ADORA2B: variants seen among roughly 807,000 people sequenced by gnomAD.
ADORA2B encodes the protein adenosine receptor A2b.
ADORA2B carries 18 observed loss-of-function variants against 20.8 expected under a neutral mutation model. That is an observed-to-expected ratio of 0.87 (90% confidence interval 0.60 to 1.29). The LOEUF (loss-of-function observed/expected upper bound fraction) is 1.29, where lower values mean the gene tolerates loss of function less well. Ranked by LOEUF, ADORA2B falls within the 50% of genes most tolerant of loss-of-function variation. The probability of loss-of-function intolerance (pLI) is 0.00; values close to 1 mark genes in which losing one functional copy is unlikely to be tolerated. For missense variants in ADORA2B, 441 were observed against 422.7 expected (o/e 1.04, Z -0.38); for synonymous variants, 179 against 178.3 (o/e 1.00, Z -0.03).
intron 1 of ADORA2B, among the ~76,000 whole-genome samples, chr17:15,969,686 C>T (rs2151609048): frequency 6.6e-6 from 1 of 152,370 alleles, no homozygotes; most frequent in Middle Eastern, 3.4e-3. Context: ...TCTGCCTCCA[C>T]AGCGCATATC....
the ADORA2B span, among the ~76,000 whole-genome samples, chr17:15,853,101 G>A: frequency 6.6e-6 from 1 of 152,236 alleles, no homozygotes; most frequent in Non-Finnish European, 1.5e-5. Context: ...AGAAAGCATC[G>A]TAAAAGCACT....
At chr17:15,942,907 C>T (rs1279322100), upstream of ADORA2B, among the ~76,000 whole-genome samples, 1 of 152,186 alleles carries the variant, frequency 6.6e-6, no homozygotes, top group African/African-American at 2.4e-5. Context: ...AACCACCCCA[C>T]TGTGAAGCCT....
At chr17:15,913,433 C>T in the ADORA2B span, among the ~76,000 whole-genome samples, 19 of 152,200 alleles carry the variant, frequency 1.2e-4, no homozygotes, top group African/African-American at 4.3e-4. Flanking sequence ...TCAGTCTTGT[C>T]AACAGTTGTT....
the ADORA2B span, among the ~76,000 whole-genome samples, chr17:15,899,647 C>G: frequency 6.6e-6 from 1 of 152,074 alleles, no homozygotes; most frequent in African/African-American, 2.4e-5. Context: ...TCTTTATGCC[C>G]ATGACTACCC....
chr17:15,923,148 G>C, the ADORA2B span, among the ~76,000 whole-genome samples: 1 of 149,852 alleles, frequency 6.7e-6, no homozygotes, highest in African/African-American at 2.5e-5. Flanking sequence ...TCAGCCTCTC[G>C]AGTAGCTGGG....
chr17:15,928,368 A>G, the ADORA2B span, among the ~76,000 whole-genome samples: 1 of 151,462 alleles, frequency 6.6e-6, no homozygotes, highest in Non-Finnish European at 1.5e-5. Flanking sequence ...TTTTTCTGAA[A>G]GTATGGAAAG....
At chr17:15,965,688 C>A (rs2151605709) in intron 1 of ADORA2B, among the ~76,000 whole-genome samples, 1 of 152,364 alleles carries the variant, frequency 6.6e-6, no homozygotes, top group Non-Finnish European at 1.5e-5. Context: ...GACTGCTCTG[C>A]CGCAGGAGCC....
chr17:15,925,713 A>C, the ADORA2B span, among the ~76,000 whole-genome samples: 1 of 152,016 alleles, frequency 6.6e-6, no homozygotes, highest in Non-Finnish European at 1.5e-5. Flanking sequence ...AAGTGTAAAA[A>C]CCAGACAGCA....
the ADORA2B span, among the ~76,000 whole-genome samples, chr17:15,899,667 C>T: frequency 2.0e-5 from 3 of 152,060 alleles, no homozygotes; most frequent in African/African-American, 7.3e-5. Flanking sequence ...CAGTGTTTAG[C>T]GTCCTCTTGT....
the ADORA2B span, among the ~76,000 whole-genome samples, chr17:15,915,358 T>C: frequency 1.3e-5 from 2 of 152,240 alleles, no homozygotes; most frequent in Admixed American, 6.5e-5. Flanking sequence ...TTGCAAGGTC[T>C]CTAACCTTAA....
At chr17:15,973,683 T>C (rs1440039995) in intron 1 of ADORA2B, among the ~76,000 whole-genome samples, 1 of 152,200 alleles carries the variant, frequency 6.6e-6, no homozygotes, top group Non-Finnish European at 1.5e-5. Flanking sequence ...CCCCCGCCCC[T>C]GGTCTGTGGA....
chr17:15,964,856 T>C lies in ADORA2B; in HGVS notation c.336-9823T>C, dbSNP rs561679718. Among the ~76,000 whole-genome samples, 20 of 151,690 alleles carry C rather than the reference T, an allele frequency of 1.3e-4. No individual in the cohort carries two copies. In the South Asian group the frequency reaches 2.3e-3, roughly 17 times the overall value. On this transcript the variant is annotated intron_variant, in intron 1 of 1. Coordinates refer to ENST00000304222, the MANE Select transcript of ADORA2B (RefSeq NM_000676.4). ...GTGGGCGAATCACGAGGTCAGGAGATCGAGACCATCCTGGCTAACACGGTG... is the reference window on the plus strand; with the variant it reads ...GTGGGCGAATCACGAGGTCAGGAGACCGAGACCATCCTGGCTAACACGGTG...
chr17:15,863,691 A>G, the ADORA2B span, among the ~76,000 whole-genome samples: 9 of 152,298 alleles, frequency 5.9e-5, no homozygotes, highest in East Asian at 1.7e-3. Context: ...ATACTGATGT[A>G]GTCTTGAAAC....
rs182513208 is a variant in ADORA2B at position 15,947,542 on chromosome 17, C to T, written c.335+1959C>T. 2.9e-3 allele frequency among the ~76,000 whole-genome samples: 444 copies of T among 152,352 alleles called. 1 individual carries two copies. The highest frequency in any genetic ancestry group is 5.0e-3 in the Non-Finnish European group (343 of 68,040). Reference sequence around the variant, plus strand: ...AGGGCAGGAGGGAAGAACACTGAGGCTCGCCCCATCCTGCCTTCCTGGCCC... The same window carrying T: ...AGGGCAGGAGGGAAGAACACTGAGGTTCGCCCCATCCTGCCTTCCTGGCCC... On this transcript the variant is annotated intron_variant, in intron 1 of 1. Transcript: ENST00000304222.
chr17:15,942,700 CCACT>C (rs1459376697), upstream of ADORA2B, among the ~76,000 whole-genome samples: 1 of 152,204 alleles, frequency 6.6e-6, no homozygotes, highest in African/African-American at 2.4e-5. Flanking sequence ...TGCAAAATCT[CCACT>C]CACTCCTTTG....
rs79185070 is a variant in ADORA2B at position 15,970,606 on chromosome 17, T to C, written c.336-4073T>C. Among the ~76,000 whole-genome samples the C allele has an allele frequency of 6.1e-3, 922 of 152,356 alleles. 17 individuals carry two copies. The highest frequency in any genetic ancestry group is 0.021 in the African/African-American group (859 of 41,580). On this transcript the variant is annotated intron_variant, in intron 1 of 1. Coordinates refer to ENST00000304222, the MANE Select transcript of ADORA2B (RefSeq NM_000676.4). ...TTCTTCTTTTCTTTGTTTTCTTTTC[T>C]TATTTGTGAAATAAGAGAGATTGGA...
chr17:15,973,292 C>T (rs149727522), intron 1 of ADORA2B, among the ~76,000 whole-genome samples: 1 of 152,292 alleles, frequency 6.6e-6, no homozygotes, highest in Non-Finnish European at 1.5e-5. Flanking sequence ...AACTACAGTC[C>T]TGCCCATCCT....
At chr17:15,870,937 C>T in the ADORA2B span, among the ~76,000 whole-genome samples, 4 of 152,240 alleles carry the variant, frequency 2.6e-5, no homozygotes, top group Non-Finnish European at 5.9e-5. Context: ...TCTACCTGCT[C>T]TCCCTGCTTC....
At chr17:15,875,208 G>T in the ADORA2B span, among the ~76,000 whole-genome samples, 1 of 152,166 alleles carries the variant, frequency 6.6e-6, no homozygotes, top group African/African-American at 2.4e-5. Context: ...TGAGCAAAGC[G>T]GTCAGCCTGG....
Sources: allele counts gnomAD v4.1 joint callset (sites outside exome capture counted in the v4.1 genomes callset), GRCh38; gene constraint gnomAD v4.1.1; transcripts MANE v1.5; gene names NCBI Gene and HGNC (gene_info 2026-07-23, HGNC 2026-07-21).